Variants in DEFB116 observed in about 807,000 individuals in gnomAD.
DEFB116 encodes the protein defensin beta 116.
In DEFB116, 5 loss-of-function variants were observed where a neutral mutation model predicts 2.8. The observed-to-expected ratio is 1.80, with a 90% CI of 0.94 to 3.79. The LOEUF is 3.79. DEFB116 is among the 30% of genes most tolerant of loss of function. DEFB116 has a pLI of 0.00. For missense variants in DEFB116, 170 were observed against 118.0 expected (o/e 1.44, Z -2.04); for synonymous variants, 56 against 40.8 (o/e 1.37, Z -1.42).
At chr20:31,303,936 C>T (rs1252246863) in intron 1 of DEFB116, among the ~76,000 whole-genome samples, 1 of 152,058 alleles carries the variant, frequency 6.6e-6, no homozygotes, top group Non-Finnish European at 1.5e-5. Flanking sequence ...AATATTTGAG[C>T]CTATGTGCAT....
At chr20:31,304,112 T>A (rs1984942103) in intron 1 of DEFB116, among the ~76,000 whole-genome samples, 1 of 152,098 alleles carries the variant, frequency 6.6e-6, no homozygotes, top group Admixed American at 6.6e-5. Flanking sequence ...CATTCTCACA[T>A]AAATTGAGCA....
intron 1 of DEFB116, among the ~76,000 whole-genome samples, chr20:31,305,199 ACT>A (rs148290557): frequency 6.6e-6 from 1 of 150,886 alleles, no homozygotes; most frequent in Non-Finnish European, 1.5e-5. Context: ...GGACCTGCAC[ACT>A]CTCTCTCTCT....
At chr20:31,303,516 AT>A in intron 1 of DEFB116, 63 bp from the exon 2 acceptor site, 1 of 1,587,806 alleles carries the variant, frequency 6.3e-7, no homozygotes, top group African/African-American at 1.4e-5. Flanking sequence ...ATGAAGCATG[AT>A]TTAAAGGAAC....
At chr20:31,306,870 G>T (rs1341655233) in intron 1 of DEFB116, among the ~76,000 whole-genome samples, 2 of 152,034 alleles carry the variant, frequency 1.3e-5, no homozygotes, top group Non-Finnish European at 2.9e-5. Context: ...CCAGTCTCCT[G>T]ACTTCCTCTA....
At chr20:31,306,278 C>T (rs1156392665) in intron 1 of DEFB116, among the ~76,000 whole-genome samples, 3 of 152,154 alleles carry the variant, frequency 2.0e-5, no homozygotes, top group African/African-American at 7.2e-5. Context: ...CTCAGCTCAA[C>T]ATCAGAAATG....
chr20:31,304,840 T>G (rs527764351), intron 1 of DEFB116, among the ~76,000 whole-genome samples: 1 of 152,176 alleles, frequency 6.6e-6, no homozygotes, highest in East Asian at 1.9e-4. Flanking sequence ...CTATTAACAT[T>G]AACGAAAATG....
At chr20:31,303,914 A>T (rs1424847569) in intron 1 of DEFB116, among the ~76,000 whole-genome samples, 2 of 152,152 alleles carry the variant, frequency 1.3e-5, no homozygotes, top group Non-Finnish European at 2.9e-5. Flanking sequence ...ATCTACTCTC[A>T]GATAGCACAC....
chr20:31,304,431 A>C (rs1235699808), intron 1 of DEFB116, among the ~76,000 whole-genome samples: 1 of 152,134 alleles, frequency 6.6e-6, no homozygotes, highest in East Asian at 1.9e-4. Context: ...ATGATAGCTC[A>C]CTGAACCTCA....
At position 31,308,517 on chromosome 20, in the gene DEFB116, AC is replaced by A. The variant is rs775907336; in HGVS notation, c.67+1del. 1.9e-6 allele frequency: 3 copies of A among 1,613,484 alleles called. No homozygotes were observed. In the East Asian group the frequency reaches 6.7e-5, roughly 36 times the overall value. On this transcript the variant is annotated splice_donor_variant, in intron 1 of 1. Coordinates refer to ENST00000400549, the MANE Select transcript of DEFB116 (RefSeq NM_001037731.1). LOFTEE classifies it high-confidence loss of function. The stretch of plus-strand genomic sequence containing the variant: ...AGAACCTTTGAGAGAGGCCTGAGTT[AC>A]CTGGAGTCTTTTGAGCCAGGATCAT...
chr20:31,307,834 C>T (rs1470233747), intron 1 of DEFB116, among the ~76,000 whole-genome samples: 1 of 152,024 alleles, frequency 6.6e-6, no homozygotes, highest in African/African-American at 2.4e-5. Flanking sequence ...TAGGCAAACA[C>T]TAACTACAAC....
intron 1 of DEFB116, 46 bp from the exon 2 acceptor site, chr20:31,303,499 T>C: frequency 1.2e-6 from 2 of 1,603,888 alleles, no homozygotes; most frequent in East Asian, 2.2e-5. Flanking sequence ...GCAGTGATAA[T>C]AGGGTGATGA....
At chr20:31,305,660 C>A (rs911704275) in intron 1 of DEFB116, among the ~76,000 whole-genome samples, 2 of 151,914 alleles carry the variant, frequency 1.3e-5, no homozygotes, top group African/African-American at 4.8e-5. Context: ...TGCATTTCAG[C>A]ATAGTCTCTG....
At chr20:31,306,807 TC>T (rs2122450964) in intron 1 of DEFB116, among the ~76,000 whole-genome samples, 1 of 152,204 alleles carries the variant, frequency 6.6e-6, no homozygotes, top group East Asian at 1.9e-4. Context: ...CTGAGACTGC[TC>T]CCATATCTCT....
In DEFB116 at chr20:31,308,558, T is replaced by A. The variant is rs760746434; in HGVS notation, c.28A>T (p.Thr10Ser). 6.2e-7 allele frequency: 1 copy of A among 1,613,522 alleles called. No individual in the cohort carries two copies. The highest frequency in any genetic ancestry group is 1.7e-5 in the Admixed American group (1 of 59,988). The stretch of plus-strand genomic sequence containing the variant: ...GCCAGGATCATAAGGATGGCAATGG[T>A]CATTAAACAGGGCTTCATGACTGAC... MSVMKPCLM[T>S]IAILMILAQK... is the part of the protein sequence containing the mutation. Residue 10 changes from threonine to serine, a missense_variant, in exon 1 of 2, where the codon ACC (threonine) becomes TCC (serine). Coordinates refer to ENST00000400549, the MANE Select transcript of DEFB116 (RefSeq NM_001037731.1).
At chr20:31,307,406 A>G (rs1985015519) in intron 1 of DEFB116, among the ~76,000 whole-genome samples, 1 of 152,154 alleles carries the variant, frequency 6.6e-6, no homozygotes, top group Non-Finnish European at 1.5e-5. Flanking sequence ...CACCATACAC[A>G]AAAACAAATT....
intron 1 of DEFB116, among the ~76,000 whole-genome samples, chr20:31,306,343 A>G (rs1984990159): frequency 6.6e-6 from 1 of 152,170 alleles, no homozygotes; most frequent in African/African-American, 2.4e-5. Flanking sequence ...TCATATGCAT[A>G]CATTTGGGAG....
Position 31,308,520 on chromosome 20 carries a change from T to A in DEFB116, c.66A>T (p.Pro22=). 1.2e-6 allele frequency: 2 copies of A among 1,613,442 alleles called. No homozygotes were observed. Among genetic ancestry groups the A allele is most frequent in the Non-Finnish European group, 1.7e-6 (2 of 1,179,476 alleles). ...AILMILAQKT[P]GGLFRSHNGK... is the part of the protein sequence containing the mutation. ...ACCTTTGAGAGAGGCCTGAGTTACC[T>A]GGAGTCTTTTGAGCCAGGATCATAA... Residue 22 remains proline, a splice_region_variant and synonymous_variant, in exon 1 of 2, where the codon CCA becomes CCT. Coordinates refer to ENST00000400549, the MANE Select transcript of DEFB116 (RefSeq NM_001037731.1).
chr20:31,305,900 C>T (rs1300810950), intron 1 of DEFB116, among the ~76,000 whole-genome samples: 2 of 152,062 alleles, frequency 1.3e-5, no homozygotes, highest in Non-Finnish European at 1.5e-5. Context: ...AGCAAGGGTG[C>T]TTTGCAAGAG....
In DEFB116 at chr20:31,303,347, G is replaced by A; in HGVS notation, c.174C>T (p.Tyr58=). The A allele has an allele frequency of 1.9e-6, 3 of 1,613,614 alleles. No individual in the cohort carries two copies. The highest frequency in any genetic ancestry group is 1.1e-5 in the South Asian group (1 of 91,082). ...RNACREYEIQ[Y]LTCPNDQKCC... ...ACTTTTGATCATTTGGGCAGGTTAA[G>A]TATTGGATTTCATATTCTCTGCAGG... Residue 58 remains tyrosine, a synonymous_variant, in exon 2 of 2, where the codon TAC becomes TAT. Transcript: ENST00000400549.
Sources: allele counts gnomAD v4.1 joint callset (sites outside exome capture counted in the v4.1 genomes callset), GRCh38; gene constraint gnomAD v4.1.1; transcripts MANE v1.5; gene names NCBI Gene and HGNC (gene_info 2026-07-23, HGNC 2026-07-21).